PCCA: variants seen among roughly 807,000 people sequenced by gnomAD.
The protein encoded by PCCA is propionyl-CoA carboxylase alpha chain, mitochondrial.
PCCA carries 74 observed loss-of-function variants against 101.3 expected under a neutral mutation model. That is an observed-to-expected ratio of 0.73 (90% CI 0.61 to 0.89). The LOEUF (loss-of-function observed/expected upper bound fraction) is 0.89. PCCA is among the 40% of genes least tolerant of loss of function. The pLI, the probability that PCCA is intolerant of heterozygous loss-of-function variation, is 0.00. For missense variants in PCCA, 891 were observed against 907.0 expected, an observed-to-expected ratio of 0.98 and a Z score of 0.23; for synonymous variants, 294 against 313.6, an observed-to-expected ratio of 0.94 and a Z score of 0.66.
At chr13:100,218,491 T>G (rs1043101217) in intron 7 of PCCA, among the ~76,000 whole-genome samples, 33 of 152,138 alleles carry the variant, frequency 2.2e-4, no homozygotes, top group Admixed American at 1.8e-3. Context: ...CATATGTCTG[T>G]TTTTTAAGTT....
intron 19 of PCCA, among the ~76,000 whole-genome samples, chr13:100,421,232 T>C (rs1031109239): frequency 6.6e-6 from 1 of 152,130 alleles, no homozygotes; most frequent in East Asian, 1.9e-4. Context: ...ATGTACTGTA[T>C]GTATATATGG....
intron 4 of PCCA, among the ~76,000 whole-genome samples, chr13:100,133,625 C>T (rs1157285428): frequency 6.6e-6 from 1 of 151,990 alleles, no homozygotes; most frequent in Non-Finnish European, 1.5e-5. Flanking sequence ...ATTTCAACAC[C>T]ATTCATTGAA....
intron 17 of PCCA, among the ~76,000 whole-genome samples, chr13:100,331,673 CA>C (rs1175089346): frequency 1.3e-5 from 2 of 151,832 alleles, no homozygotes; most frequent in African/African-American, 2.4e-5. Context: ...GATCTTAAAA[CA>C]AAAACTAATG....
At chr13:100,221,087 A>C (rs2059786418) in intron 7 of PCCA, among the ~76,000 whole-genome samples, 1 of 152,242 alleles carries the variant, frequency 6.6e-6, no homozygotes, top group South Asian at 2.1e-4. Flanking sequence ...TAGAGTCAGC[A>C]TGAAAATGGG....
intron 21 of PCCA, among the ~76,000 whole-genome samples, chr13:100,485,789 C>T (rs906396507): frequency 8.5e-5 from 13 of 152,126 alleles, no homozygotes; most frequent in African/African-American, 3.1e-4. Flanking sequence ...GTGTGAGGCA[C>T]CATAGATTCT....
At chr13:100,200,097 T>TTTTA (rs889324033) in intron 6 of PCCA, among the ~76,000 whole-genome samples, 5 of 152,050 alleles carry the variant, frequency 3.3e-5, no homozygotes, top group South Asian at 2.1e-4. Flanking sequence ...AACTCTTTAT[T>TTTTA]TTTATTTATT....
chr13:100,138,089 C>G (rs928361542), intron 4 of PCCA, among the ~76,000 whole-genome samples: 1 of 152,078 alleles, frequency 6.6e-6, no homozygotes, highest in Non-Finnish European at 1.5e-5. Flanking sequence ...CACCTGGCCA[C>G]TTTTATGTTT....
At chr13:100,520,538 G>A (rs1353197095) in intron 22 of PCCA, among the ~76,000 whole-genome samples, 2 of 151,378 alleles carry the variant, frequency 1.3e-5, no homozygotes, top group African/African-American at 2.4e-5. Context: ...GGGAGGCTGA[G>A]GCAGGAGAAT....
chr13:100,184,836 C>T (rs1056663148), intron 6 of PCCA, among the ~76,000 whole-genome samples: 5 of 152,148 alleles, frequency 3.3e-5, no homozygotes, highest in African/African-American at 9.7e-5. Context: ...AGACTACAAA[C>T]GTGGTGGGCT....
intron 22 of PCCA, among the ~76,000 whole-genome samples, chr13:100,522,245 A>G (rs1195020368): frequency 1.3e-5 from 2 of 152,144 alleles, no homozygotes; most frequent in South Asian, 2.1e-4. Flanking sequence ...TATTTTGTAT[A>G]ATCTGGCGTA....
intron 7 of PCCA, among the ~76,000 whole-genome samples, chr13:100,221,437 G>C (rs2059802558): frequency 6.6e-6 from 1 of 152,124 alleles, no homozygotes. Context: ...ACTTGGTTTT[G>C]CTTGTTCAAC....
At chr13:100,152,669 G>A (rs2893017) in intron 4 of PCCA, among the ~76,000 whole-genome samples, 120,744 of 151,960 alleles carry the variant, frequency 0.79, 48,183 homozygotes, top group East Asian at 0.99. Flanking sequence ...GATGGTCTCG[G>A]TCTCCTGACC....
intron 21 of PCCA, among the ~76,000 whole-genome samples, chr13:100,504,319 G>A (rs943362210): frequency 6.6e-6 from 1 of 152,238 alleles, no homozygotes; most frequent in Non-Finnish European, 1.5e-5. Context: ...CAAGTCGGGA[G>A]AATGTTCATA....
At position 100,155,081 on chromosome 13, in the gene PCCA, A is replaced by G. The variant is rs1172878444; in HGVS notation, c.403A>G (p.Arg135Gly). Residue 135 changes from arginine (R) to glycine (G), a missense_variant, in exon 5 of 24, where the codon AGG (arginine) becomes GGG (glycine). Physicochemically the swap from Arg to Gly is moderately radical, Grantham distance 125. Coordinates refer to ENST00000376285, the MANE Select transcript of PCCA (RefSeq NM_000282.4). ...CATCATGGAAGCCATTAAGAAAACC[A>G]GGGCCCAAGCTGTGAGTCTGAATGA... ...DAIMEAIKKTRAQAVHPGYGF... is the reference protein window; with the variant it reads ...DAIMEAIKKTGAQAVHPGYGF... The G allele has an allele frequency of 5.0e-6, 8 of 1,608,744 alleles. No homozygotes were observed. Among genetic ancestry groups the G allele is most frequent in the Non-Finnish European group, 6.8e-6 (8 of 1,175,316 alleles).
At chr13:100,487,341 A>AT (rs561856462) in intron 21 of PCCA, among the ~76,000 whole-genome samples, 7 of 152,052 alleles carry the variant, frequency 4.6e-5, no homozygotes, top group South Asian at 2.1e-4. Flanking sequence ...CACACCATGA[A>AT]TTTTTTTTAA....
At chr13:100,157,176 T>C in intron 5 of PCCA, 111 bp from the exon 6 acceptor site, 3 of 705,514 alleles carry the variant, frequency 4.3e-6, no homozygotes, top group Non-Finnish European at 7.5e-6. Context: ...AGTGTACTTA[T>C]TCAAGGGCTC....
chr13:100,450,019 T>G (rs1426228116), intron 21 of PCCA, among the ~76,000 whole-genome samples: 1 of 152,226 alleles, frequency 6.6e-6, no homozygotes, highest in Non-Finnish European at 1.5e-5. Context: ...TTTCAATTTA[T>G]TATTACTATT....
Position 100,132,412 on chromosome 13 carries a change from G to C in PCCA, c.300+20351G>C, listed in dbSNP as rs141794777. Among the ~76,000 whole-genome samples the C allele has an allele frequency of 6.2e-4, 88 of 141,452 alleles. 1 individual carries two copies. The South Asian group carries it at 0.02, about 32-fold the overall frequency. The allele number at this position is 141,452 out of a possible 152,430, so 92.8% of individuals were successfully genotyped here. On this transcript the variant is annotated intron_variant, in intron 4 of 23. Transcript: ENST00000376285. The stretch of plus-strand genomic sequence containing the variant: ...TATAGCATTGTCATTTCCACACAGC[G>C]TGTAACCTTTTGAGACTGGCTACTT...
In PCCA at chr13:100,295,035, G is replaced by A. The variant is rs143956660; in HGVS notation, c.1066-6425G>A. ...TTGTTTCCAAGGTGAGTTTATAGGAGTGATGTGTTGGGGCTTATTTCCCAA... is the reference window on the plus strand; with the variant it reads ...TTGTTTCCAAGGTGAGTTTATAGGAATGATGTGTTGGGGCTTATTTCCCAA... On this transcript the variant is annotated intron_variant, in intron 12 of 23. Transcript: ENST00000376285. Among the ~76,000 whole-genome samples, 29 of 152,272 alleles carry A rather than the reference G, an allele frequency of 1.9e-4. No individual in the cohort carries two copies. The East Asian group carries it at 5.4e-3, about 28-fold the overall frequency.
Sources: gnomAD v4.1 joint callset for allele counts (sites outside exome capture counted in the v4.1 genomes callset) on GRCh38, gnomAD v4.1.1 for gene constraint, MANE v1.5 for transcripts, NCBI Gene and HGNC (gene_info 2026-07-23, HGNC 2026-07-21) for gene names.